SLC9A9: variants seen among roughly 807,000 people sequenced by gnomAD.
The protein encoded by SLC9A9 is sodium/hydrogen exchanger 9.
A neutral mutation model predicts 77.8 loss-of-function variants in SLC9A9; 62 were observed. The ratio of observed to expected loss-of-function variants is 0.80; its 90% CI spans 0.65 to 0.98. The LOEUF (loss-of-function observed/expected upper bound fraction) is 0.98, where lower values mean the gene tolerates loss of function less well. SLC9A9 is among the 50% of genes least tolerant of loss of function. The probability of loss-of-function intolerance (pLI) is 0.00; values close to 1 mark genes in which losing one functional copy is unlikely to be tolerated. For synonymous variants in SLC9A9, 320 were observed against 283.5 expected (o/e 1.13, Z -1.29); for missense variants, 775 against 774.9 (o/e 1.00, Z 0.00).
chr3:143,311,668 T>C (rs1037872854), intron 14 of SLC9A9, among the ~76,000 whole-genome samples: 1 of 152,184 alleles, frequency 6.6e-6, no homozygotes, highest in African/African-American at 2.4e-5. Flanking sequence ...AATAACAATA[T>C]TGTGAAAACG....
intron 5 of SLC9A9, among the ~76,000 whole-genome samples, chr3:143,675,060 A>T (rs544955148): frequency 6.6e-6 from 1 of 152,230 alleles, no homozygotes; most frequent in Admixed American, 6.5e-5. Flanking sequence ...GTACTTTCAG[A>T]CTCTCCAAGT....
chr3:143,276,174 C>T (rs1009468968), intron 14 of SLC9A9, among the ~76,000 whole-genome samples: 1 of 152,152 alleles, frequency 6.6e-6, no homozygotes, highest in Admixed American at 6.5e-5. Flanking sequence ...TTGACGACTC[C>T]AGCCTCTGTC....
chr3:143,364,513 A>G (rs914434721), intron 13 of SLC9A9, among the ~76,000 whole-genome samples: 9 of 152,192 alleles, frequency 5.9e-5, no homozygotes, highest in Admixed American at 2.6e-4. Flanking sequence ...GAAGACAATG[A>G]AAGTCTACTG....
intron 2 of SLC9A9, among the ~76,000 whole-genome samples, chr3:143,825,392 A>G (rs558537074): frequency 3.4e-5 from 5 of 146,220 alleles, no homozygotes; most frequent in East Asian, 2.0e-4. Flanking sequence ...CAAAATCACC[A>G]TTAGGAAAAG....
chr3:143,619,052 C>A (rs186518673), intron 6 of SLC9A9, among the ~76,000 whole-genome samples: 6 of 152,258 alleles, frequency 3.9e-5, no homozygotes, highest in East Asian at 1.9e-4. Context: ...TGTTCTTTAG[C>A]AACCTACACA....
intron 5 of SLC9A9, among the ~76,000 whole-genome samples, chr3:143,662,721 G>C (rs1422101451): frequency 6.6e-6 from 1 of 152,102 alleles, no homozygotes; most frequent in East Asian, 1.9e-4. Flanking sequence ...AGTCCGAGAT[G>C]AAATTGCGAG....
chr3:143,363,491 C>A lies in SLC9A9; in HGVS notation c.1597G>T (p.Asp533Tyr). 2 of 1,612,262 alleles carry A rather than the reference C, an allele frequency of 1.2e-6. No individual in the cohort carries two copies. Among genetic ancestry groups the A allele is most frequent in the South Asian group, 2.2e-5 (2 of 90,974 alleles). Residue 533 changes from aspartate to tyrosine, a missense_variant, in exon 14 of 16, where the codon GAC becomes TAC. Coordinates refer to ENST00000316549, the MANE Select transcript of SLC9A9 (RefSeq NM_173653.4). ...GTTATTATCAAAGGATACTTGTGGT[C>A]AAAGCTATACCACATTCTGAAGAGC... ...ARLFRMWYSF[D>Y]HKYLKPILTH...
chr3:143,386,754 G>A (rs769272880), intron 12 of SLC9A9, among the ~76,000 whole-genome samples: 18 of 152,298 alleles, frequency 1.2e-4, no homozygotes, highest in Admixed American at 6.5e-4. Context: ...GGAGCAGCCA[G>A]TGTACAGCAA....
chr3:143,315,168 G>A (rs999101447), intron 14 of SLC9A9, among the ~76,000 whole-genome samples: 9 of 152,136 alleles, frequency 5.9e-5, no homozygotes, highest in African/African-American at 2.2e-4. Context: ...CAGTTTTTGA[G>A]GATAAATTTA....
At chr3:143,790,324 A>G (rs2008182973) in intron 4 of SLC9A9, among the ~76,000 whole-genome samples, 1 of 152,226 alleles carries the variant, frequency 6.6e-6, no homozygotes, top group African/African-American at 2.4e-5. Flanking sequence ...AAGCAAGTAA[A>G]ATGGATTCGT....
intron 12 of SLC9A9, among the ~76,000 whole-genome samples, chr3:143,386,181 C>G (rs1240494699): frequency 6.6e-6 from 1 of 152,208 alleles, no homozygotes; most frequent in Non-Finnish European, 1.5e-5. Context: ...CTACTCTGCT[C>G]TCTGCTCCCA....
At chr3:143,643,535 T>A (rs7640798) in intron 6 of SLC9A9, among the ~76,000 whole-genome samples, 14,603 of 152,248 alleles carry the variant, frequency 0.096, 799 homozygotes, top group Non-Finnish European at 0.13. Flanking sequence ...CCATATAAAA[T>A]CACATGGCCA....
chr3:143,543,731 G>A (rs1227268841), intron 9 of SLC9A9, among the ~76,000 whole-genome samples: 1 of 120,512 alleles, frequency 8.3e-6, no homozygotes, highest in Non-Finnish European at 1.9e-5. Context: ...TCATTCTTCT[G>A]TATGGATGTG....
intron 14 of SLC9A9, among the ~76,000 whole-genome samples, chr3:143,329,475 G>A (rs2031700762): frequency 6.6e-6 from 1 of 152,192 alleles, no homozygotes; most frequent in Non-Finnish European, 1.5e-5. Flanking sequence ...AAACAATTTT[G>A]ATTTCCCATT....
At chr3:143,424,240 T>C (rs1042749363) in intron 12 of SLC9A9, among the ~76,000 whole-genome samples, 2 of 147,992 alleles carry the variant, frequency 1.4e-5, no homozygotes, top group African/African-American at 2.6e-5. Context: ...CTGTGAAAAA[T>C]TCAAGAAAAA....
At chr3:143,672,882 T>C (rs563346605) in intron 5 of SLC9A9, among the ~76,000 whole-genome samples, 1 of 152,316 alleles carries the variant, frequency 6.6e-6, no homozygotes, top group Admixed American at 6.5e-5. Context: ...AAAAGCACTA[T>C]GACTGGTAGT....
chr3:143,839,323 A>G (rs116661107), intron 1 of SLC9A9, among the ~76,000 whole-genome samples: 221 of 152,326 alleles, frequency 1.5e-3, no homozygotes, highest in Non-Finnish European at 1.7e-3. Context: ...ATTAAATTCC[A>G]AAGTGGAAAG....
chr3:143,525,399 G>C (rs2036387324), intron 9 of SLC9A9, among the ~76,000 whole-genome samples: 1 of 152,166 alleles, frequency 6.6e-6, no homozygotes, highest in Admixed American at 6.5e-5. Context: ...GCTTAGGAAA[G>C]TTAAGTGACA....
intron 8 of SLC9A9, among the ~76,000 whole-genome samples, chr3:143,572,253 G>A (rs1440476058): frequency 6.6e-6 from 1 of 151,866 alleles, no homozygotes; most frequent in African/African-American, 2.4e-5. Context: ...AAATGGACAA[G>A]GAAATAGACA....
Sources: allele counts gnomAD v4.1 joint callset (sites outside exome capture counted in the v4.1 genomes callset), GRCh38; gene constraint gnomAD v4.1.1; transcripts MANE v1.5; gene names NCBI Gene and HGNC (gene_info 2026-07-23, HGNC 2026-07-21).